DNAJC14: variants seen among roughly 807,000 people sequenced by gnomAD.
The protein encoded by DNAJC14 is DnaJ heat shock protein family (Hsp40) member C14.
A neutral mutation model predicts 68.8 loss-of-function variants in DNAJC14; 12 were observed. That is an observed-to-expected ratio of 0.17 (90% confidence interval 0.11 to 0.28). DNAJC14 has a LOEUF of 0.28. Ranked by LOEUF, DNAJC14 falls within the 10% of genes least tolerant of loss-of-function variation. DNAJC14 has a pLI of 1.00. For missense variants in DNAJC14, 764 were observed against 875.6 expected (o/e 0.87, Z 1.61); for synonymous variants, 350 against 321.5 (o/e 1.09, Z -0.95).
At position 55,828,487 on chromosome 12, in the gene DNAJC14, C is replaced by CAG. The variant is rs1880868369; in HGVS notation, c.170_171dup (p.Gly58LeufsTer199). The CAG allele has an allele frequency of 1.2e-6, 2 of 1,614,130 alleles. No individual in the cohort carries two copies. The highest frequency in any genetic ancestry group is 1.7e-6 in the Non-Finnish European group (2 of 1,180,014). On this transcript the variant is annotated frameshift_variant, in exon 2 of 7. Transcript: ENST00000678005. LOFTEE classifies it high-confidence loss of function. Reference sequence around the variant, plus strand: ...TTTGGGTGCTGTGTGTGCTTAGGACCAGAGTGCTCTGTGAGGCAGCGGGTA... The same window carrying CAG: ...TTTGGGTGCTGTGTGTGCTTAGGACCAGAGAGTGCTCTGTGAGGCAGCGGGTA...
In DNAJC14 at chr12:55,823,209, G is replaced by A. The variant is rs1027471715; in HGVS notation, c.1515-20C>T. The A allele has an allele frequency of 6.2e-6, 10 of 1,613,986 alleles. No individual in the cohort carries two copies. Among genetic ancestry groups the A allele is most frequent in the Non-Finnish European group, 8.5e-7 (1 of 1,180,034 alleles). On this transcript the variant is annotated intron_variant, in intron 3 of 6. Transcript: ENST00000678005. ...CGTTTCCTAATAGAAGAAATGCTTT[G>A]TAAGTCAGAAGGTATTGAGGGAGGG...
chr12:55,829,028 G>A lies in DNAJC14; in HGVS notation c.-56-314C>T, dbSNP rs374890406. ...CACTCTTAGGAAAATGGGAAAGACC[G>A]CCGGAAAGGGGGCCACAGACTTCCA... On this transcript the variant is annotated intron_variant, in intron 1 of 6. Coordinates refer to ENST00000678005, the MANE Select transcript of DNAJC14 (RefSeq NM_032364.6). 36 of 872,396 alleles carry A rather than the reference G, an allele frequency of 4.1e-5. No individual in the cohort carries two copies. The Admixed American group carries it at 4.6e-4, about 11-fold the overall frequency. 54.0% of individuals were successfully genotyped at this position (872,396 alleles called of 1,614,324 possible).
In DNAJC14 at chr12:55,828,183, G is replaced by C. The variant is rs563609244; in HGVS notation, c.476C>G (p.Ser159Cys). Residue 159 changes from serine to cysteine, a missense_variant, in exon 2 of 7, where the codon TCT (serine) becomes TGT (cysteine). By Grantham distance (112) the Ser-to-Cys change is moderately radical (BLOSUM62 -1). This residue lies in a region of DNAJC14 where 514 missense variants were observed against 521.7 expected (regional missense o/e 0.99). Transcript: ENST00000678005. ...CAACTCATCTTCCCCCAAAGCTGGA[G>C]AGGTACAGTGGTGGCAAAAGTTGCT... is the stretch of plus-strand genomic sequence containing the variant. ...SSSNFCHHCTSPALGEDELEE... is the reference protein window; with the variant it reads ...SSSNFCHHCTCPALGEDELEE... 3 of 1,612,982 alleles carry C rather than the reference G, an allele frequency of 1.9e-6. No homozygotes were observed. In the African/African-American group the frequency reaches 4.0e-5, roughly 22 times the overall value.
intron 2 of DNAJC14, among the ~76,000 whole-genome samples, chr12:55,826,911 T>C (rs1491003115): frequency 2.6e-5 from 4 of 151,980 alleles, no homozygotes; most frequent in Non-Finnish European, 4.4e-5. Flanking sequence ...AGGAACAGGC[T>C]GGGACCAGTG....
At chr12:55,826,804 A>G (rs1880807441) in intron 2 of DNAJC14, among the ~76,000 whole-genome samples, 1 of 151,260 alleles carries the variant, frequency 6.6e-6, no homozygotes, top group Non-Finnish European at 1.5e-5. Flanking sequence ...GTCTCAAGAA[A>G]AAAAAAAAAA....
intron 2 of DNAJC14, among the ~76,000 whole-genome samples, chr12:55,824,246 A>T (rs1180423670): frequency 6.6e-6 from 1 of 152,138 alleles, no homozygotes; most frequent in Non-Finnish European, 1.5e-5. Context: ...TATCAGTCAT[A>T]AAATAAGAGT....
chr12:55,822,323 G>C (rs201116587), intron 6 of DNAJC14, 50 bp downstream of exon 6: 43 of 1,584,962 alleles, frequency 2.7e-5, no homozygotes, highest in Non-Finnish European at 3.1e-5. Context: ...ATCTGAAACC[G>C]TATTCAAAAC....
intron 1 of DNAJC14, 24 bp downstream of exon 1, chr12:55,829,463 GAA>G (rs757741400): frequency 3.2e-5 from 28 of 869,156 alleles, no homozygotes; most frequent in South Asian, 5.4e-5. Context: ...AAAAAAAAAC[GAA>G]AAAAAAAAAA....
chr12:55,826,377 C>T (rs549755633), intron 2 of DNAJC14, among the ~76,000 whole-genome samples: 1 of 142,754 alleles, frequency 7.0e-6, no homozygotes, highest in Non-Finnish European at 1.5e-5. Flanking sequence ...CTCAACTGAT[C>T]CTCCCACCTC....
In DNAJC14 at chr12:55,822,167, G is replaced by A. The variant is rs1424100713; in HGVS notation, c.1919C>T (p.Pro640Leu). 1.2e-6 allele frequency: 2 copies of A among 1,600,742 alleles called. No individual in the cohort carries two copies. Among genetic ancestry groups the A allele is most frequent in the Non-Finnish European group, 1.7e-6 (2 of 1,173,400 alleles). ...ACTCAAGAAATCCTGAAGATCAGCA[G>A]GAGGGGCATCTGGGGTGGCTCTGAG... ...GRQRATPDAP[P>L]ADLQDFLSRI... The change falls in exon 7 of 7, where the codon CCT becomes CTT. Residue 640 changes from proline to leucine, a missense_variant. By Grantham distance (98) the Pro-to-Leu change is moderately conservative (BLOSUM62 -3). This residue lies in a region of DNAJC14 where 134 missense variants were observed against 162.3 expected (regional missense o/e 0.83). Coordinates refer to ENST00000678005, the MANE Select transcript of DNAJC14 (RefSeq NM_032364.6).
At chr12:55,826,271 C>CTTTTTTTTTTTTTTTTTTTTTTT (rs1164806475) in intron 2 of DNAJC14, among the ~76,000 whole-genome samples, 1 of 85,798 alleles carries the variant, frequency 1.2e-5, no homozygotes. Flanking sequence ...GGGAAAATAT[C>CTTTTTTTTTTTTTTTTTTTTTTT]TTTTTTTTTT....
At position 55,828,691 on chromosome 12, in the gene DNAJC14, A is replaced by C; in HGVS notation, c.-33T>G. 1 of 1,591,728 alleles carries C rather than the reference A, an allele frequency of 6.3e-7. No individual in the cohort carries two copies. Among genetic ancestry groups the C allele is most frequent in the Non-Finnish European group, 8.6e-7 (1 of 1,167,860 alleles). On this transcript the variant is annotated 5_prime_UTR_variant, in exon 2 of 7. Transcript: ENST00000678005. ...GGGCTTCCTGAGGGTCTTAGGTCAC[A>C]GCCATCATGGTGTGTTCTGATGCCT...
At position 55,822,226 on chromosome 12, in the gene DNAJC14, A is replaced by T. The variant is rs774955736; in HGVS notation, c.1899-39T>A. 2.9e-5 allele frequency: 45 copies of T among 1,541,772 alleles called. 2 individuals carry two copies. The South Asian group carries it at 5.2e-4, about 18-fold the overall frequency. On this transcript the variant is annotated intron_variant, in intron 6 of 6. Coordinates refer to ENST00000678005, the MANE Select transcript of DNAJC14 (RefSeq NM_032364.6). ...GAAGAAATAAGGCAAGAGATGTTAGAGTCATATGGTTACCTAAGTTAGATA... is the reference window on the plus strand; with the variant it reads ...GAAGAAATAAGGCAAGAGATGTTAGTGTCATATGGTTACCTAAGTTAGATA...
chr12:55,823,266 G>A, intron 3 of DNAJC14, 77 bp from the exon 4 acceptor site: 1 of 1,608,436 alleles, frequency 6.2e-7, no homozygotes, highest in Non-Finnish European at 8.5e-7. Flanking sequence ...GGCCTCTTGA[G>A]GCCCCTGTCT....
intron 4 of DNAJC14, 86 bp downstream of exon 4, chr12:55,822,984 C>G: frequency 6.4e-7 from 1 of 1,567,046 alleles, no homozygotes; most frequent in African/African-American, 1.4e-5. Flanking sequence ...AGATGTAACT[C>G]ATAATTACCA....
chr12:55,824,317 C>T (rs1880740505), intron 2 of DNAJC14, among the ~76,000 whole-genome samples: 1 of 152,256 alleles, frequency 6.6e-6, no homozygotes, highest in South Asian at 2.1e-4. Flanking sequence ...TCCAAAACTT[C>T]CTACAGTGAT....
intron 1 of DNAJC14, among the ~76,000 whole-genome samples, 181 bp from the exon 2 acceptor site, chr12:55,828,895 C>G (rs1207539638): frequency 1.3e-5 from 2 of 152,198 alleles, no homozygotes; most frequent in Non-Finnish European, 2.9e-5. Context: ...TTGCTCCCTC[C>G]CCTCTCCTCC....
Position 55,828,391 on chromosome 12 carries a change from G to T in DNAJC14, c.268C>A (p.Pro90Thr). 2 of 1,614,042 alleles carry T rather than the reference G, an allele frequency of 1.2e-6. 1 individual carries two copies. The highest frequency in any genetic ancestry group is 2.2e-5 in the South Asian group (2 of 91,066). The change falls in exon 2 of 7, where the codon CCT becomes ACT. Residue 90 changes from proline (P) to threonine (T), a missense_variant. Physicochemically the swap from Pro to Thr is conservative, Grantham distance 38. This residue lies in a region of DNAJC14 where 514 missense variants were observed against 521.7 expected (regional missense o/e 0.99). Coordinates refer to ENST00000678005, the MANE Select transcript of DNAJC14 (RefSeq NM_032364.6). The stretch of plus-strand genomic sequence containing the variant: ...TCTGAAGACGTCTCACTCTGATCAG[G>T]GTCCTCTGCATCTCTAGGTGGTCCT... Reference protein sequence around the residue: ...GPGPPRDAEDPDQSETSSEEE... With the variant: ...GPGPPRDAEDTDQSETSSEEE...
At chr12:55,830,755 CCACA>C (rs1211367772), upstream of DNAJC14, 1 of 152,760 alleles carries the variant, frequency 6.5e-6, no homozygotes, top group African/African-American at 2.4e-5. Context: ...CTGGGTCCCC[CCACA>C]CACACGGGAA....
Sources: allele counts gnomAD v4.1 joint callset (sites outside exome capture counted in the v4.1 genomes callset), GRCh38; gene constraint gnomAD v4.1.1; regional missense constraint gnomAD v4.1.1; transcripts MANE v1.5; gene names NCBI Gene and HGNC (gene_info 2026-07-23, HGNC 2026-07-21).